The following NFIA variants were observed in gnomAD, a reference collection of about 807,000 sequenced individuals.
NFIA encodes the protein nuclear factor 1 A-type.
Under a neutral mutation model 62.8 loss-of-function variants are expected in NFIA, and 8 were observed. That is an observed-to-expected ratio of 0.13 (90% CI 0.07 to 0.23). The LOEUF is 0.23. Ranked by LOEUF, NFIA falls within the 10% of genes least tolerant of loss-of-function variation. NFIA has a pLI of 1.00. For missense variants in NFIA, 410 were observed against 642.1 expected (o/e 0.64, Z 3.91); for synonymous variants, 235 against 238.1 (o/e 0.99, Z 0.12).
chr1:61,397,031 G>A (rs942286053), intron 7 of NFIA, among the ~76,000 whole-genome samples: 7 of 151,898 alleles, frequency 4.6e-5, no homozygotes, highest in Admixed American at 6.6e-5. Context: ...AATAATGCCC[G>A]GTTGGCAGGG....
chr1:61,373,469 A>G (rs1385716580), intron 6 of NFIA, among the ~76,000 whole-genome samples: 3 of 152,170 alleles, frequency 2.0e-5, no homozygotes. Context: ...TCCAAGGAAC[A>G]CTGGAATTAA....
chr1:61,250,128 G>A (rs1363846862), intron 2 of NFIA: 1 of 152,166 alleles, frequency 6.6e-6, no homozygotes, highest in Non-Finnish European at 1.5e-5. Flanking sequence ...AGTCCTCTAT[G>A]CTGAAAATGA....
intron 2 of NFIA, among the ~76,000 whole-genome samples, chr1:61,173,833 A>G (rs539528295): frequency 9.5e-4 from 144 of 152,272 alleles, no homozygotes; most frequent in African/African-American, 3.4e-3. Context: ...AACCAGGAGA[A>G]GTGGTGGCTT....
intron 6 of NFIA, among the ~76,000 whole-genome samples, chr1:61,371,404 G>A (rs1663878029): frequency 6.6e-6 from 1 of 151,394 alleles, no homozygotes; most frequent in Admixed American, 6.6e-5. Flanking sequence ...TTTTTTTGAT[G>A]TGCTTGATGT....
chr1:61,221,845 C>A (rs1334392402), intron 2 of NFIA, among the ~76,000 whole-genome samples: 1 of 151,966 alleles, frequency 6.6e-6, no homozygotes, highest in Admixed American at 6.6e-5. Flanking sequence ...AAGAAAGGAG[C>A]CTTTCATAGC....
At chr1:61,182,839 A>G (rs1650846449) in intron 2 of NFIA, among the ~76,000 whole-genome samples, 1 of 152,248 alleles carries the variant, frequency 6.6e-6, no homozygotes, top group Non-Finnish European at 1.5e-5. Flanking sequence ...TAGAAATGTT[A>G]TATGAATGAC....
intron 2 of NFIA, among the ~76,000 whole-genome samples, chr1:61,234,690 G>A (rs531857724): frequency 6.6e-6 from 1 of 152,118 alleles, no homozygotes; most frequent in South Asian, 2.1e-4. Flanking sequence ...TGTGCTTTTC[G>A]TGTTACCATA....
chr1:61,384,659 T>C (rs959190547), intron 7 of NFIA, among the ~76,000 whole-genome samples: 2 of 152,182 alleles, frequency 1.3e-5, no homozygotes, highest in African/African-American at 4.8e-5. Flanking sequence ...TAGTGGGGGA[T>C]CAGAGATATG....
In NFIA at chr1:61,131,340, T is replaced by G. The variant is rs1196975276; in HGVS notation, c.559+42660T>G. On this transcript the variant is annotated intron_variant, in intron 2 of 10. Coordinates refer to ENST00000403491, the MANE Select transcript of NFIA (RefSeq NM_001134673.4). ...TATAATTAAAAACAGTGTCTAGATC[T>G]GTTGTTTGTAGTGAATAAATGTGAC... 5.3e-5 allele frequency among the ~76,000 whole-genome samples: 8 copies of G among 152,170 alleles called. No homozygotes were observed. In the East Asian group the frequency reaches 1.5e-3, roughly 29 times the overall value.
rs1487435468 is a variant in NFIA, at chr1:61,094,684, G to T, written c.559+6004G>T. Reference sequence around the variant, plus strand: ...AGGCAACGGTAAGATACTCATTATTGATCCAAACTTTTGGGTCCCTGAACT... The same window carrying T: ...AGGCAACGGTAAGATACTCATTATTTATCCAAACTTTTGGGTCCCTGAACT... On this transcript the variant is annotated intron_variant, in intron 2 of 10. Transcript: ENST00000403491. Among the ~76,000 whole-genome samples, 3 of 152,120 alleles carry T rather than the reference G, an allele frequency of 2.0e-5. No individual in the cohort carries two copies. In the East Asian group the frequency reaches 5.8e-4, roughly 29 times the overall value.
intron 10 of NFIA, among the ~76,000 whole-genome samples, chr1:61,447,883 G>A (rs1036404207): frequency 6.6e-5 from 10 of 152,216 alleles, no homozygotes; most frequent in African/African-American, 2.4e-4. Context: ...GGTGGTGCCC[G>A]GCTTTGATGT....
At position 61,404,297 on chromosome 1, in the gene NFIA, T is replaced by C. The variant is rs1569782533; in HGVS notation, c.1254+15T>C. ...GGTTCCTCAATGTAAGGAAACCTCT[T>C]TTTTTCCATTTCTTTAGAAATGTTA... On this transcript the variant is annotated intron_variant, in intron 8 of 10. Transcript: ENST00000403491. The C allele has an allele frequency of 1.3e-6, 2 of 1,585,070 alleles. No homozygotes were observed. Among genetic ancestry groups the C allele is most frequent in the East Asian group, 4.5e-5 (2 of 44,604 alleles).
At chr1:61,401,707 T>C (rs1214432983) in intron 7 of NFIA, among the ~76,000 whole-genome samples, 2 of 152,244 alleles carry the variant, frequency 1.3e-5, no homozygotes, top group Non-Finnish European at 2.9e-5. Context: ...CCTTTGTGTT[T>C]GGCATTCTGC....
At chr1:61,204,455 A>G (rs1430987967) in intron 2 of NFIA, among the ~76,000 whole-genome samples, 2 of 152,222 alleles carry the variant, frequency 1.3e-5, no homozygotes, top group Non-Finnish European at 2.9e-5. Context: ...CTAATGTGAG[A>G]TGCAGCAGGA....
intron 2 of NFIA, among the ~76,000 whole-genome samples, chr1:61,096,044 C>T (rs1053535974): frequency 6.6e-6 from 1 of 151,768 alleles, no homozygotes; most frequent in African/African-American, 2.4e-5. Context: ...CTGAAAAAAT[C>T]CTTTGGTTAT....
At chr1:61,250,600 T>A (rs1655964960) in intron 2 of NFIA, among the ~76,000 whole-genome samples, 1 of 152,186 alleles carries the variant, frequency 6.6e-6, no homozygotes, top group South Asian at 2.1e-4. Context: ...ATGGGCCAAT[T>A]TAGTGCCTGT....
intron 3 of NFIA, among the ~76,000 whole-genome samples, chr1:61,325,504 T>A (rs1660884090): frequency 6.6e-6 from 1 of 152,214 alleles, no homozygotes; most frequent in East Asian, 1.9e-4. Context: ...ACAAGAGCAG[T>A]TTCATCACCA....
chr1:61,196,083 A>G (rs1278946946), intron 2 of NFIA, among the ~76,000 whole-genome samples: 1 of 152,226 alleles, frequency 6.6e-6, no homozygotes, highest in Non-Finnish European at 1.5e-5. Context: ...TTTACAAAGA[A>G]AATTAAAAGT....
chr1:61,440,406 A>T (rs77796340), intron 10 of NFIA, among the ~76,000 whole-genome samples: 2,853 of 152,304 alleles, frequency 0.019, 37 homozygotes, highest in Non-Finnish European at 0.031. Flanking sequence ...CTACCAAGTA[A>T]TTCTCATATA....
Sources: allele counts gnomAD v4.1 joint callset (sites outside exome capture counted in the v4.1 genomes callset), GRCh38; gene constraint gnomAD v4.1.1; transcripts MANE v1.5; gene names NCBI Gene and HGNC (gene_info 2026-07-23, HGNC 2026-07-21).